The following SLC16A7 variants were observed in gnomAD, a reference collection of about 807,000 sequenced individuals.
SLC16A7 encodes monocarboxylate transporter 2.
In SLC16A7, 33 loss-of-function variants were observed where a neutral mutation model predicts 34.9. The observed-to-expected ratio is 0.94, with a 90% CI of 0.72 to 1.26. SLC16A7 has a LOEUF of 1.26. Ranked by LOEUF, SLC16A7 falls within the 50% of genes most tolerant of loss-of-function variation. The pLI is 0.00. For missense variants in SLC16A7, 573 were observed against 578.1 expected (o/e 0.99, Z 0.09); for synonymous variants, 201 against 206.6 (o/e 0.97, Z 0.23).
intron 3 of SLC16A7, among the ~76,000 whole-genome samples, chr12:59,760,894 G>A (rs942463836): frequency 6.6e-6 from 1 of 152,130 alleles, no homozygotes; most frequent in Non-Finnish European, 1.5e-5. Context: ...CCTTGGGTAA[G>A]GGGGACTACT....
Position 59,767,947 on chromosome 12 carries a change from GT to G in SLC16A7, c.218-3271del, listed in dbSNP as rs751691801. ...ATCACACACTGGGGCCTGTCGTGGG[GT>G]GGGGGGAAGGGGGAGGGATAGCATT... is the stretch of plus-strand genomic sequence containing the variant. On this transcript the variant is annotated intron_variant, in intron 3 of 5. Transcript: ENST00000547379. Among the ~76,000 whole-genome samples, 9 of 129,892 alleles carry G rather than the reference GT, an allele frequency of 6.9e-5. No individual in the cohort carries two copies. The East Asian group carries it at 1.7e-3, about 24-fold the overall frequency. The allele number at this position is 129,892 out of a possible 152,430, so 85.2% of individuals were successfully genotyped here.
chr12:59,602,855 G>A (rs1415852102), intron 1 of SLC16A7, among the ~76,000 whole-genome samples: 1 of 152,084 alleles, frequency 6.6e-6, no homozygotes. Flanking sequence ...TTTCACCTCA[G>A]TAGGAATAAC....
chr12:59,621,366 G>T (rs934753242), intron 1 of SLC16A7, among the ~76,000 whole-genome samples: 2 of 151,804 alleles, frequency 1.3e-5, no homozygotes, highest in African/African-American at 4.8e-5. Context: ...ATGATTTCTG[G>T]ATTCCCTGGA....
intron 1 of SLC16A7, among the ~76,000 whole-genome samples, chr12:59,650,351 C>A (rs1868321573): frequency 6.6e-6 from 1 of 152,084 alleles, no homozygotes; most frequent in Non-Finnish European, 1.5e-5. Context: ...AGTCCAGACA[C>A]CTATTTATGG....
At chr12:59,756,807 G>A (rs1197828569) in intron 3 of SLC16A7, among the ~76,000 whole-genome samples, 2 of 133,490 alleles carry the variant, frequency 1.5e-5, no homozygotes, top group Admixed American at 1.5e-4. Flanking sequence ...ACATGCACAC[G>A]TATATTTATT....
intron 3 of SLC16A7, among the ~76,000 whole-genome samples, chr12:59,715,126 TG>T (rs1408358804): frequency 1.3e-5 from 2 of 152,110 alleles, no homozygotes; most frequent in East Asian, 3.9e-4. Context: ...AAAATACAGG[TG>T]GTTGTCATTA....
intron 1 of SLC16A7, among the ~76,000 whole-genome samples, chr12:59,612,598 T>G (rs943166642): frequency 1.3e-5 from 2 of 152,124 alleles, no homozygotes; most frequent in African/African-American, 4.8e-5. Flanking sequence ...GAAAATGGAG[T>G]TTTCTTTTCT....
intron 1 of SLC16A7, among the ~76,000 whole-genome samples, chr12:59,618,958 T>C (rs1879579938): frequency 6.6e-6 from 1 of 152,074 alleles, no homozygotes; most frequent in Non-Finnish European, 1.5e-5. Context: ...TTTCTGCTCC[T>C]GTATTTTCCC....
rs368782230 is a variant in SLC16A7 at position 59,783,637 on chromosome 12, A to ATTTCTTTCTTTCTTTCTTTC, written c.*3977_*3978insCTTTCTTTCTTTCTTTCTTT. 14 of 148,486 alleles carry ATTTCTTTCTTTCTTTCTTTC rather than the reference A, an allele frequency of 9.4e-5. No individual in the cohort carries two copies. Among genetic ancestry groups the ATTTCTTTCTTTCTTTCTTTC allele is most frequent in the African/African-American group, 3.3e-4 (13 of 39,464 alleles). The allele number at this position is 148,486 out of a possible 1,614,324, so 9.2% of individuals were successfully genotyped here. ...GCATTTGCTAGAACCTGAATATGTAATTTCTTTCTTTCTTTCTTTTTTTTT... is the reference window on the plus strand; with the variant it reads ...GCATTTGCTAGAACCTGAATATGTAATTTCTTTCTTTCTTTCTTTCTTTCTTTCTTTCTTTCTTTTTTTTT... On this transcript the variant is annotated 3_prime_UTR_variant, in exon 6 of 6. Transcript: ENST00000547379.
At chr12:59,764,842 A>C (rs569336601) in intron 3 of SLC16A7, among the ~76,000 whole-genome samples, 8 of 152,252 alleles carry the variant, frequency 5.3e-5, no homozygotes, top group Non-Finnish European at 7.3e-5. Flanking sequence ...CTTTGGGTAT[A>C]TACCCAGTAA....
chr12:59,760,432 T>TG (rs1302698336), intron 3 of SLC16A7, among the ~76,000 whole-genome samples: 1 of 152,058 alleles, frequency 6.6e-6, no homozygotes, highest in Non-Finnish European at 1.5e-5. Context: ...TCCTTATCTG[T>TG]GGGAGATATG....
At chr12:59,721,369 C>T (rs936412306) in intron 3 of SLC16A7, among the ~76,000 whole-genome samples, 4 of 151,910 alleles carry the variant, frequency 2.6e-5, no homozygotes, top group Non-Finnish European at 5.9e-5. Flanking sequence ...TCTATCCTAA[C>T]TAAGGCCAAC....
chr12:59,733,727 C>G (rs1263220554), intron 3 of SLC16A7: 1 of 455,988 alleles, frequency 2.2e-6, no homozygotes, highest in Non-Finnish European at 4.4e-6. Flanking sequence ...AGGTCCCAAG[C>G]TCCCATCTCA....
intron 3 of SLC16A7, among the ~76,000 whole-genome samples, chr12:59,764,988 G>GC (rs2137409004): frequency 6.6e-6 from 1 of 152,270 alleles, no homozygotes; most frequent in Non-Finnish European, 1.5e-5. Context: ...ATCCTCTCCA[G>GC]CACCTGTTGT....
intron 2 of SLC16A7, among the ~76,000 whole-genome samples, chr12:59,703,740 G>C (rs1873164115): frequency 6.6e-6 from 1 of 152,030 alleles, no homozygotes; most frequent in Non-Finnish European, 1.5e-5. Flanking sequence ...ATAGTATACT[G>C]GTAATTTGCC....
In SLC16A7 at chr12:59,752,900, G is replaced by A. The variant is rs375465853; in HGVS notation, c.218-18319G>A. ...AAGGGAAGCCCATCAGACTAACAGC[G>A]GATCTCTCGGCAGAAACTCTACAAG... is the stretch of plus-strand genomic sequence containing the variant. On this transcript the variant is annotated intron_variant, in intron 3 of 5. Coordinates refer to ENST00000547379, the MANE Select transcript of SLC16A7 (RefSeq NM_001270623.2). Among the ~76,000 whole-genome samples, 30 of 152,286 alleles carry A rather than the reference G, an allele frequency of 2.0e-4. No individual in the cohort carries two copies. The South Asian group carries it at 3.1e-3, about 16-fold the overall frequency.
At chr12:59,701,540 G>T (rs1406763065) in intron 2 of SLC16A7, among the ~76,000 whole-genome samples, 1 of 151,312 alleles carries the variant, frequency 6.6e-6, no homozygotes, top group Non-Finnish European at 1.5e-5. Flanking sequence ...GCTTTTAAAG[G>T]GTCTATAAGT....
intron 1 of SLC16A7, among the ~76,000 whole-genome samples, chr12:59,649,417 T>A (rs1168326860): frequency 6.6e-6 from 1 of 152,148 alleles, no homozygotes; most frequent in Admixed American, 6.6e-5. Context: ...TTTAGTGGCT[T>A]TAAATTTGTA....
chr12:59,706,720 T>C (rs1873629907), intron 3 of SLC16A7, among the ~76,000 whole-genome samples: 1 of 152,152 alleles, frequency 6.6e-6, no homozygotes, highest in Non-Finnish European at 1.5e-5. Context: ...CACACAGTCA[T>C]CTTGATTTCA....
Sources: gnomAD v4.1 joint callset for allele counts (sites outside exome capture counted in the v4.1 genomes callset) on GRCh38, gnomAD v4.1.1 for gene constraint, MANE v1.5 for transcripts, NCBI Gene and HGNC (gene_info 2026-07-23, HGNC 2026-07-21) for gene names.